CCDC88C: variants seen among roughly 807,000 people sequenced by gnomAD.
CCDC88C encodes the protein coiled-coil and HOOK domain protein 88C, also known as protein Daple.
In CCDC88C, 131 loss-of-function variants were observed where a neutral mutation model predicts 198.8. The observed-to-expected ratio is 0.66, with a 90% CI of 0.57 to 0.76. The LOEUF (loss-of-function observed/expected upper bound fraction) is 0.76. CCDC88C is among the 30% of genes least tolerant of loss of function. The pLI is 0.00. For synonymous variants in CCDC88C, 1,166 were observed against 1,114.7 expected, an observed-to-expected ratio of 1.05 and a Z score of -0.92; for missense variants, 2,553 against 2,631.6, an observed-to-expected ratio of 0.97 and a Z score of 0.65.
chr14:91,299,625 A>AG (rs1891180867), intron 21 of CCDC88C, among the ~76,000 whole-genome samples: 1 of 152,240 alleles, frequency 6.6e-6, no homozygotes, highest in African/African-American at 2.4e-5. Flanking sequence ...CATGAGCAAG[A>AG]GGCAGGCTTA....
At chr14:91,334,404 C>T (rs1437485737) in intron 10 of CCDC88C, among the ~76,000 whole-genome samples, 4 of 152,144 alleles carry the variant, frequency 2.6e-5, no homozygotes, top group African/African-American at 7.2e-5. Context: ...CCACCAGAGC[C>T]GGCTAGTATT....
At position 91,273,610 on chromosome 14, in the gene CCDC88C, C is replaced by A; in HGVS notation, c.5102G>T (p.Arg1701Leu). 1.3e-6 allele frequency: 2 copies of A among 1,489,532 alleles called. No homozygotes were observed. The highest frequency in any genetic ancestry group is 1.8e-6 in the Non-Finnish European group (2 of 1,118,734). 92.3% of individuals were successfully genotyped at this position (1,489,532 alleles called of 1,614,324 possible). Residue 1701 changes from arginine (R) to leucine (L), a missense_variant, in exon 30 of 30, where the codon CGA becomes CTA. Physicochemically the swap from Arg to Leu is moderately radical, Grantham distance 102 (BLOSUM62 -2). This residue lies in a region of CCDC88C where 1,293 missense variants were observed against 1,219.6 expected (regional missense o/e 1.06). Coordinates refer to ENST00000389857, the MANE Select transcript of CCDC88C (RefSeq NM_001080414.4). The surrounding 1 kb of genome is among the most constrained non-coding windows in gnomAD (Gnocchi z 5.6). ...GATGGCTGGGGGATCGCTGGCCTTT[C>A]GGAAGTAGTCACTCAGCAGGTCATC... ...CRDDLLSDYF[R>L]KASDPPAIGG...
intron 29 of CCDC88C, among the ~76,000 whole-genome samples, chr14:91,275,576 C>A (rs970758349): frequency 6.6e-6 from 1 of 151,380 alleles, no homozygotes; most frequent in African/African-American, 2.4e-5. Context: ...CTCTCGGGTT[C>A]AAGAGATTCT....
chr14:91,392,962 A>G (rs1885606662), intron 3 of CCDC88C, among the ~76,000 whole-genome samples: 1 of 152,204 alleles, frequency 6.6e-6, no homozygotes, highest in African/African-American at 2.4e-5. Context: ...AAGGCCTCAC[A>G]TAGCGAAAAA....
chr14:91,280,910 C>A (rs1377604796), intron 27 of CCDC88C, among the ~76,000 whole-genome samples: 2 of 152,168 alleles, frequency 1.3e-5, no homozygotes, highest in Non-Finnish European at 2.9e-5. Context: ...ATGTAAACTT[C>A]AAGGGGTCTT....
intron 23 of CCDC88C, 133 bp from the exon 24 acceptor site, chr14:91,291,217 C>T (rs1301994882): frequency 1.6e-6 from 1 of 633,950 alleles, no homozygotes; most frequent in Non-Finnish European, 2.8e-6. Flanking sequence ...GGGTGCTCAC[C>T]ACCGTCATGG....
At chr14:91,322,889 A>C (rs1795015247) in intron 12 of CCDC88C, among the ~76,000 whole-genome samples, 1 of 150,330 alleles carries the variant, frequency 6.7e-6, no homozygotes, top group Admixed American at 6.7e-5. Flanking sequence ...TTACTACTAA[A>C]ACGCCAGTGT....
chr14:91,354,080 C>T (rs536883972), intron 4 of CCDC88C, among the ~76,000 whole-genome samples: 20 of 152,282 alleles, frequency 1.3e-4, no homozygotes, highest in South Asian at 1.0e-3. Context: ...TGAGCTCCTC[C>T]GCTCTCTGGG....
intron 21 of CCDC88C, among the ~76,000 whole-genome samples, chr14:91,299,015 G>C (rs1027399157): frequency 6.6e-6 from 1 of 152,204 alleles, no homozygotes. Flanking sequence ...CATTATGTGT[G>C]GTAGTCACAT....
intron 13 of CCDC88C, among the ~76,000 whole-genome samples, chr14:91,316,663 G>A (rs1201697453): frequency 6.6e-6 from 1 of 152,084 alleles, no homozygotes; most frequent in Admixed American, 6.6e-5. Flanking sequence ...CGCCTGCCTC[G>A]GTCTCCCAAA....
chr14:91,348,298 G>A (rs974687712), intron 4 of CCDC88C, among the ~76,000 whole-genome samples: 2 of 140,154 alleles, frequency 1.4e-5, no homozygotes, highest in Non-Finnish European at 1.5e-5. Flanking sequence ...GAGCCACTGC[G>A]CCCAGCCAAG....
intron 4 of CCDC88C, among the ~76,000 whole-genome samples, chr14:91,345,185 TATATA>T (rs1441455147): frequency 1.3e-4 from 9 of 70,434 alleles, no homozygotes; most frequent in South Asian, 4.5e-4. Flanking sequence ...TATATATATA[TATATA>T]TTTTTTTTTT....
intron 27 of CCDC88C, 163 bp from the exon 28 acceptor site, chr14:91,279,469 A>C (rs1596015698): frequency 3.4e-6 from 2 of 587,130 alleles, no homozygotes; most frequent in Non-Finnish European, 3.0e-6. Context: ...TCCAGTGAGG[A>C]AGCCTCACTT....
chr14:91,294,231 G>A lies in CCDC88C; in HGVS notation c.4054C>T (p.Leu1352Phe). The A allele has an allele frequency of 3.1e-6, 5 of 1,614,006 alleles. No individual in the cohort carries two copies. The highest frequency in any genetic ancestry group is 4.2e-6 in the Non-Finnish European group (5 of 1,179,882). ...IQLLSQQNQMLLEQNMENKEQ... is the reference protein window; with the variant it reads ...IQLLSQQNQMFLEQNMENKEQ... ...TTGTTCTCCATGTTCTGCTCCAGAA[G>A]CATCTGGTTCTGCTGGCTCAACAGC... is the stretch of plus-strand genomic sequence containing the variant. The change falls in exon 23 of 30, where the codon CTT becomes TTT. Residue 1352 changes from leucine (L) to phenylalanine (F), a missense_variant. Around this residue, in one of 2 missense-constraint regions of CCDC88C, gnomAD observed 1,293 missense variants for 1,219.6 expected, o/e 1.06. Coordinates refer to ENST00000389857, the MANE Select transcript of CCDC88C (RefSeq NM_001080414.4).
intron 3 of CCDC88C, among the ~76,000 whole-genome samples, chr14:91,361,616 A>G (rs1894309080): frequency 6.6e-6 from 1 of 152,162 alleles, no homozygotes; most frequent in Non-Finnish European, 1.5e-5. Flanking sequence ...TTTCTCCATT[A>G]TCCAGGGTCA....
Position 91,363,321 on chromosome 14 carries a change from G to A in CCDC88C, c.271-3610C>T, listed in dbSNP as rs1894392027. Among the ~76,000 whole-genome samples, 6 of 150,792 alleles carry A rather than the reference G, an allele frequency of 4.0e-5. No individual in the cohort carries two copies. In the South Asian group the frequency reaches 1.3e-3, roughly 31 times the overall value. The stretch of plus-strand genomic sequence containing the variant: ...AGAGGGGGTTTCACCATGTTGCCCA[G>A]GCTAGTCTTGAACTCCTGGACTCAG... On this transcript the variant is annotated intron_variant, in intron 3 of 29. Coordinates refer to ENST00000389857, the MANE Select transcript of CCDC88C (RefSeq NM_001080414.4).
intron 3 of CCDC88C, among the ~76,000 whole-genome samples, chr14:91,406,088 T>A (rs1373387742): frequency 1.3e-5 from 2 of 152,208 alleles, no homozygotes; most frequent in African/African-American, 4.8e-5. Context: ...TCTTTTACTT[T>A]GTGTGGCCAC....
In CCDC88C at chr14:91,371,212, C is replaced by T. The variant is rs1300166017; in HGVS notation, c.271-11501G>A. 1.3e-5 allele frequency among the ~76,000 whole-genome samples: 2 copies of T among 151,834 alleles called. No individual in the cohort carries two copies. The highest frequency in any genetic ancestry group is 6.6e-5 in the Admixed American group (1 of 15,260). ...CCCTGATTTTATGGCCGTGAGGGATCGTATGACTGTGACTTCATGGTGGTA... is the reference window on the plus strand; with the variant it reads ...CCCTGATTTTATGGCCGTGAGGGATTGTATGACTGTGACTTCATGGTGGTA... On this transcript the variant is annotated intron_variant, in intron 3 of 29. Coordinates refer to ENST00000389857, the MANE Select transcript of CCDC88C (RefSeq NM_001080414.4). The surrounding 1 kb of genome is among the most constrained non-coding windows in gnomAD (Gnocchi z 4.2).
At chr14:91,292,708 C>T (rs2139750278) in intron 23 of CCDC88C, among the ~76,000 whole-genome samples, 1 of 152,226 alleles carries the variant, frequency 6.6e-6, no homozygotes, top group East Asian at 1.9e-4. Context: ...GCCCGGACGC[C>T]AATACCAGCC....
Sources: gnomAD v4.1 joint callset for allele counts (sites outside exome capture counted in the v4.1 genomes callset) on GRCh38, gnomAD v4.1.1 for gene constraint, gnomAD v4.1.1 regional missense constraint, Gnocchi (gnomAD v3.1) non-coding constraint, MANE v1.5 for transcripts, NCBI Gene and HGNC (gene_info 2026-07-23, HGNC 2026-07-21) for gene names.